Variants in ZNF439 observed in about 807,000 individuals in gnomAD.
ZNF439 encodes the protein zinc finger protein 439.
Under a neutral mutation model 47.3 loss-of-function variants are expected in ZNF439, and 40 were observed. The ratio of observed to expected loss-of-function variants is 0.85; its 90% CI spans 0.66 to 1.10. ZNF439 has a LOEUF of 1.10. Ranked by LOEUF, ZNF439 falls within the 50% of genes least tolerant of loss-of-function variation. ZNF439 has a pLI of 0.00. For synonymous variants in ZNF439, 171 were observed against 198.8 expected, an observed-to-expected ratio of 0.86 and a Z score of 1.18; for missense variants, 556 against 601.1, an observed-to-expected ratio of 0.93 and a Z score of 0.78.
At chr19:11,853,897 G>A (rs1161366597) in intron 1 of ZNF439, among the ~76,000 whole-genome samples, 1 of 152,138 alleles carries the variant, frequency 6.6e-6, no homozygotes, top group African/African-American at 2.4e-5. Flanking sequence ...AAATATTGAG[G>A]CTCTCTAGGC....
At chr19:11,859,203 C>T (rs1252816541) in intron 1 of ZNF439, among the ~76,000 whole-genome samples, 2 of 152,220 alleles carry the variant, frequency 1.3e-5, no homozygotes, top group Non-Finnish European at 2.9e-5. Flanking sequence ...AAAATGTGCA[C>T]AGGGCTCCTG....
intron 1 of ZNF439, chr19:11,849,142 C>G: frequency 8.8e-7 from 1 of 1,142,100 alleles, no homozygotes; most frequent in Non-Finnish European, 1.1e-6. Context: ...CGGCCTTGGC[C>G]CCGAAGCCCT....
rs867886251 is a variant in ZNF439, at chr19:11,869,153, G to T, written c.*584G>T. On this transcript the variant is annotated 3_prime_UTR_variant, in exon 4 of 4. Coordinates refer to ENST00000682736, the MANE Select transcript of ZNF439 (RefSeq NM_001348719.2). ...CACACCAGAAGGAAACCCTATGAAT[G>T]TAAGCAATGTGGCAAAAGCTTTCAC... The T allele has an allele frequency of 3.4e-5, 7 of 203,446 alleles. No homozygotes were observed. In the Middle Eastern group the frequency reaches 3.8e-3, roughly 110 times the overall value. 12.6% of individuals were successfully genotyped at this position (203,446 alleles called of 1,614,324 possible).
At chr19:11,858,402 C>G (rs1018874528) in intron 1 of ZNF439, 1 of 150,030 alleles carries the variant, frequency 6.7e-6, no homozygotes, top group Non-Finnish European at 1.5e-5. Flanking sequence ...GAAGGCGGAG[C>G]TTGCAGTGAG....
At chr19:11,854,153 A>C (rs1976322564) in intron 1 of ZNF439, among the ~76,000 whole-genome samples, 1 of 152,190 alleles carries the variant, frequency 6.6e-6, no homozygotes, top group African/African-American at 2.4e-5. Context: ...TTGCCACTTC[A>C]GTTTGTAACT....
chr19:11,849,339 G>A lies in ZNF439; in HGVS notation c.63+409G>A. On this transcript the variant is annotated intron_variant, in intron 1 of 3. Transcript: ENST00000682736. ...GTACGTTAACAAAAAGTTCATTTGA[G>A]GAAACAGCCATTCACGAATGAGAAA... 8 of 971,934 alleles carry A rather than the reference G, an allele frequency of 8.2e-6. No individual in the cohort carries two copies. The South Asian group carries it at 3.1e-4, about 38-fold the overall frequency. The allele number at this position is 971,934 out of a possible 1,614,324, so 60.2% of individuals were successfully genotyped here.
chr19:11,868,867 T>C lies in ZNF439; in HGVS notation c.*298T>C. 2.3e-6 allele frequency: 1 copy of C among 431,080 alleles called. No individual in the cohort carries two copies. Among genetic ancestry groups the C allele is most frequent in the Non-Finnish European group, 4.4e-6 (1 of 226,984 alleles). The allele number at this position is 431,080 out of a possible 1,614,324, so 26.7% of individuals were successfully genotyped here. On this transcript the variant is annotated 3_prime_UTR_variant, in exon 4 of 4. Transcript: ENST00000682736. ...TTCCATAATTTCTCTTCTTTTCAAATACATGAAAGTTGCACAGAGGAGAGG... is the reference window on the plus strand; with the variant it reads ...TTCCATAATTTCTCTTCTTTTCAAACACATGAAAGTTGCACAGAGGAGAGG...
chr19:11,854,315 TATC>T (rs1976326967), intron 1 of ZNF439, among the ~76,000 whole-genome samples: 1 of 152,218 alleles, frequency 6.6e-6, no homozygotes, highest in African/African-American at 2.4e-5. Flanking sequence ...TAGCCAAAAT[TATC>T]ATGCCTAAGG....
chr19:11,848,788 GCGGTTGGGATCT>G lies in ZNF439; in HGVS notation c.-79_-68del, dbSNP rs1976143680. 6 of 1,375,538 alleles carry G rather than the reference GCGGTTGGGATCT, an allele frequency of 4.4e-6. No individual in the cohort carries two copies. Among genetic ancestry groups the G allele is most frequent in the Non-Finnish European group, 5.7e-6 (6 of 1,044,434 alleles). The allele number at this position is 1,375,538 out of a possible 1,614,324, so 85.2% of individuals were successfully genotyped here. A position where few individuals can be genotyped will look rare whatever the true frequency, so the allele number is the denominator to read the frequency against. ...CGTCACCTTTGTCGCTGCGAGGGCG[GCGGTTGGGATCT>G]GGCCTTTCCAGCCCCGAGAGGGACC... is the stretch of plus-strand genomic sequence containing the variant. On this transcript the variant is annotated 5_prime_UTR_variant, in exon 1 of 4. Coordinates refer to ENST00000682736, the MANE Select transcript of ZNF439 (RefSeq NM_001348719.2).
At chr19:11,853,246 A>G (rs1976298469) in intron 1 of ZNF439, among the ~76,000 whole-genome samples, 1 of 152,128 alleles carries the variant, frequency 6.6e-6, no homozygotes, top group Non-Finnish European at 1.5e-5. Flanking sequence ...GTAATTTTCA[A>G]GAGTTGTATT....
At chr19:11,853,635 A>G (rs1976309616) in intron 1 of ZNF439, among the ~76,000 whole-genome samples, 1 of 152,152 alleles carries the variant, frequency 6.6e-6, no homozygotes, top group Non-Finnish European at 1.5e-5. Flanking sequence ...ATTCATGATA[A>G]ACAGTTCACT....
chr19:11,854,232 A>G (rs1322647365), intron 1 of ZNF439, among the ~76,000 whole-genome samples: 1 of 152,202 alleles, frequency 6.6e-6, no homozygotes, highest in East Asian at 1.9e-4. Context: ...CACGTACTGA[A>G]CTGTTTGAAT....
chr19:11,849,383 G>A (rs1976167934), intron 1 of ZNF439: 2 of 802,348 alleles, frequency 2.5e-6, no homozygotes, highest in South Asian at 5.3e-5. Flanking sequence ...CCTGGCTTGT[G>A]GTTTGTCAAC....
intron 1 of ZNF439, among the ~76,000 whole-genome samples, chr19:11,865,419 C>T (rs1489327703): frequency 6.7e-6 from 1 of 149,246 alleles, no homozygotes. Context: ...TAGGTGTCTC[C>T]CCTCCTCTCT....
At chr19:11,861,984 G>A (rs1260737619) in intron 1 of ZNF439, among the ~76,000 whole-genome samples, 1 of 152,176 alleles carries the variant, frequency 6.6e-6, no homozygotes, top group Non-Finnish European at 1.5e-5. Context: ...TTGGTCCTGG[G>A]TGGCAGAAAT....
Position 11,868,844 on chromosome 19 carries a change from C to A in ZNF439, c.*275C>A. 2 of 490,428 alleles carry A rather than the reference C, an allele frequency of 4.1e-6. No individual in the cohort carries two copies. Among genetic ancestry groups the A allele is most frequent in the Non-Finnish European group, 7.6e-6 (2 of 263,470 alleles). 30.4% of individuals were successfully genotyped at this position (490,428 alleles called of 1,614,324 possible). On this transcript the variant is annotated 3_prime_UTR_variant, in exon 4 of 4. Transcript: ENST00000682736. Reference sequence around the variant, plus strand: ...AATGTAAGAAATGTGGAAAAGCGTTCCATAATTTCTCTTCTTTTCAAATAC... The same window carrying A: ...AATGTAAGAAATGTGGAAAAGCGTTACATAATTTCTCTTCTTTTCAAATAC...
Position 11,852,827 on chromosome 19 carries a change from C to A in ZNF439, c.63+3897C>A, listed in dbSNP as rs562027837. 2.0e-4 allele frequency among the ~76,000 whole-genome samples: 31 copies of A among 151,798 alleles called. No homozygotes were observed. The South Asian group carries it at 6.5e-3, about 32-fold the overall frequency. On this transcript the variant is annotated intron_variant, in intron 1 of 3. Transcript: ENST00000682736. Reference sequence around the variant, plus strand: ...GGCTGGCCTGACTTACTTCTTCCAACAGCCTATATAGGTAGAAAATTTCTA... The same window carrying A: ...GGCTGGCCTGACTTACTTCTTCCAAAAGCCTATATAGGTAGAAAATTTCTA...
rs576119066 is a variant in ZNF439, at chr19:11,848,912, A to C, written c.45A>C (p.Thr15=). The stretch of plus-strand genomic sequence containing the variant: ...GGAGCTGTAGAGAGGACCCCGGTAC[A>C]TCTGAAAGCCGGGAAATGGTGCGTG... ...THRSCREDPG[T]SESREMDPVA... is the part of the protein sequence containing the mutation. Residue 15 remains threonine (T), a synonymous_variant, in exon 1 of 4, where the codon ACA becomes ACC. Transcript: ENST00000682736. The C allele has an allele frequency of 3.4e-5, 54 of 1,574,042 alleles. No homozygotes were observed. Among genetic ancestry groups the C allele is most frequent in the Admixed American group, 5.1e-5 (3 of 58,564 alleles).
At chr19:11,864,173 G>T (rs1397209272) in intron 1 of ZNF439, among the ~76,000 whole-genome samples, 1 of 152,144 alleles carries the variant, frequency 6.6e-6, no homozygotes, top group South Asian at 2.1e-4. Context: ...TCAGACTTTG[G>T]TAATGACCTT....
Sources: gnomAD v4.1 joint callset for allele counts (sites outside exome capture counted in the v4.1 genomes callset) on GRCh38, gnomAD v4.1.1 for gene constraint, MANE v1.5 for transcripts, NCBI Gene and HGNC (gene_info 2026-07-23, HGNC 2026-07-21) for gene names.